Variants in ITPR1 observed in about 807,000 individuals in gnomAD.
ITPR1 encodes inositol 1,4,5-trisphosphate receptor type 1, also known as inositol 1,4,5-trisphosphate-gated calcium channel ITPR1.
In ITPR1, 96 loss-of-function variants were observed where a neutral mutation model predicts 318.4. That is an observed-to-expected ratio of 0.30 (90% CI 0.26 to 0.36). The LOEUF is 0.36. Ranked by LOEUF, ITPR1 falls within the 10% of genes least tolerant of loss-of-function variation. The pLI, the probability that ITPR1 is intolerant of heterozygous loss-of-function variation, is 1.00. For synonymous variants in ITPR1, 1,312 were observed against 1,289.9 expected (o/e 1.02, Z -0.37); for missense variants, 2,440 against 3,460.2 (o/e 0.71, Z 7.40).
At chr3:4,685,919 A>G (rs1469609485) in intron 30 of ITPR1, among the ~76,000 whole-genome samples, 1 of 152,162 alleles carries the variant, frequency 6.6e-6, no homozygotes, top group Non-Finnish European at 1.5e-5. Context: ...TTAGAGGTGA[A>G]AAGCTCAGAC....
rs530109380 is a variant in ITPR1 at position 4,571,876 on chromosome 3, C to G, written c.163+50782C>G. 1.1e-4 allele frequency among the ~76,000 whole-genome samples: 17 copies of G among 152,276 alleles called. No individual in the cohort carries two copies. In the East Asian group the frequency reaches 3.1e-3, roughly 28 times the overall value. On this transcript the variant is annotated intron_variant, in intron 4 of 61. Transcript: ENST00000649015. ...ATCTCTGCTCCTCTCTGTTTCTCCC[C>G]CTCTGCCCCACTCCCTACTCTTATG... is the stretch of plus-strand genomic sequence containing the variant.
intron 20 of ITPR1, among the ~76,000 whole-genome samples, chr3:4,672,356 C>T (rs1413056332): frequency 6.6e-6 from 1 of 152,226 alleles, no homozygotes; most frequent in Non-Finnish European, 1.5e-5. Context: ...GAAATAGACT[C>T]ATGTCTACAC....
At chr3:4,680,051 G>A (rs1457679707) in intron 24 of ITPR1, among the ~76,000 whole-genome samples, 1 of 152,178 alleles carries the variant, frequency 6.6e-6, no homozygotes, top group Non-Finnish European at 1.5e-5. Flanking sequence ...GAATACAGGA[G>A]GCAAAAGAAG....
rs548396008 is a variant in ITPR1, at chr3:4,807,165, G to GA, written c.7272+898_7272+899insA. On this transcript the variant is annotated intron_variant, in intron 55 of 61. Coordinates refer to ENST00000649015, the MANE Select transcript of ITPR1 (RefSeq NM_001378452.1). ...AGGGGGGACTTACAAAGAGAGGGGG[G>GA]CTTACAAAGAGAGGGGGGCTTACAA... Among the ~76,000 whole-genome samples the GA allele has an allele frequency of 6.9e-3, 272 of 39,602 alleles. 9 individuals carry two copies. Among genetic ancestry groups the GA allele is most frequent in the African/African-American group, 0.05 (260 of 5,156 alleles). The allele number at this position is 39,602 out of a possible 152,430, so 26.0% of individuals were successfully genotyped here. A position where few individuals can be genotyped will look rare whatever the true frequency, so the allele number is the denominator to read the frequency against.
chr3:4,725,852 C>G (rs557913204), intron 41 of ITPR1, among the ~76,000 whole-genome samples: 2 of 152,214 alleles, frequency 1.3e-5, no homozygotes, highest in African/African-American at 4.8e-5. Flanking sequence ...CATCTTAATC[C>G]TGAGACATTT....
chr3:4,643,592 T>G, intron 7 of ITPR1, among the ~76,000 whole-genome samples: 1 of 48,916 alleles, frequency 2.0e-5, no homozygotes, highest in African/African-American at 4.7e-5. Flanking sequence ...ATAAGTATTG[T>G]TTTTTTGGGG....
At chr3:4,845,352 G>A (rs191457235) in intron 61 of ITPR1, among the ~76,000 whole-genome samples, 2 of 152,272 alleles carry the variant, frequency 1.3e-5, no homozygotes, top group African/African-American at 2.4e-5. Flanking sequence ...TCTTAATACA[G>A]AGACAGAAGT....
chr3:4,494,791 G>A (rs2080423431), intron 2 of ITPR1, among the ~76,000 whole-genome samples: 1 of 152,128 alleles, frequency 6.6e-6, no homozygotes, highest in African/African-American at 2.4e-5. Context: ...GCCCATTGCC[G>A]GTCTGAAAAG....
At chr3:4,834,709 C>T (rs574359259) in intron 60 of ITPR1, among the ~76,000 whole-genome samples, 28 of 152,264 alleles carry the variant, frequency 1.8e-4, no homozygotes, top group Non-Finnish European at 2.5e-4. Context: ...GTACAGTCAA[C>T]GATAGGCCAC....
chr3:4,679,507 C>G (rs556347764), intron 24 of ITPR1, among the ~76,000 whole-genome samples: 27 of 152,260 alleles, frequency 1.8e-4, no homozygotes, highest in African/African-American at 6.0e-4. Context: ...ATGAGTGTCC[C>G]AGCTCCAGAA....
chr3:4,526,299 TCAC>T (rs2082972054), intron 4 of ITPR1, among the ~76,000 whole-genome samples: 1 of 152,240 alleles, frequency 6.6e-6, no homozygotes, highest in Non-Finnish European at 1.5e-5. Flanking sequence ...CATTATTCTA[TCAC>T]TAAGTGGTTC....
chr3:4,723,662 G>A (rs1182689521), intron 40 of ITPR1, among the ~76,000 whole-genome samples: 3 of 151,338 alleles, frequency 2.0e-5, no homozygotes, highest in Non-Finnish European at 4.4e-5. Flanking sequence ...TCAAACAGAC[G>A]ACATACTAGT....
intron 46 of ITPR1, among the ~76,000 whole-genome samples, chr3:4,770,380 C>T (rs1206949247): frequency 2.0e-5 from 3 of 152,152 alleles, no homozygotes; most frequent in Non-Finnish European, 4.4e-5. Context: ...ACGTTAATAC[C>T]TTCTATAGTT....
At chr3:4,787,150 A>G (rs1048714028) in intron 51 of ITPR1, among the ~76,000 whole-genome samples, 1 of 152,088 alleles carries the variant, frequency 6.6e-6, no homozygotes, top group East Asian at 1.9e-4. Flanking sequence ...GAACCATTCC[A>G]TCATTACAGA....
chr3:4,787,575 G>A (rs1469162584), intron 51 of ITPR1, among the ~76,000 whole-genome samples: 6 of 149,780 alleles, frequency 4.0e-5, no homozygotes, highest in Admixed American at 2.0e-4. Flanking sequence ...GTGCGTGCCT[G>A]TAATCCCAGC....
chr3:4,655,407 G>A (rs746965110), intron 12 of ITPR1, among the ~76,000 whole-genome samples: 34 of 152,282 alleles, frequency 2.2e-4, no homozygotes, highest in Non-Finnish European at 4.9e-4. Flanking sequence ...GCAGGAGGAA[G>A]AGTGCAGTTT....
At chr3:4,778,997 A>C (rs1038672742) in intron 48 of ITPR1, among the ~76,000 whole-genome samples, 7 of 152,250 alleles carry the variant, frequency 4.6e-5, no homozygotes, top group Admixed American at 1.3e-4. Flanking sequence ...CTTGGCCTGC[A>C]TACATTGTTC....
chr3:4,541,530 C>A (rs1412452740), intron 4 of ITPR1, among the ~76,000 whole-genome samples: 1 of 151,430 alleles, frequency 6.6e-6, no homozygotes. Context: ...GTGTCAGTTT[C>A]TTTTTATTTA....
intron 4 of ITPR1, among the ~76,000 whole-genome samples, chr3:4,601,047 G>C (rs1161634449): frequency 6.6e-6 from 1 of 152,064 alleles, no homozygotes; most frequent in African/African-American, 2.4e-5. Context: ...TGTTAGTGGT[G>C]GTGGGCTGTG....
Sources: allele counts gnomAD v4.1 joint callset (sites outside exome capture counted in the v4.1 genomes callset), GRCh38; gene constraint gnomAD v4.1.1; transcripts MANE v1.5; gene names NCBI Gene and HGNC (gene_info 2026-07-23, HGNC 2026-07-21).